GPR107: variants seen among roughly 807,000 people sequenced by gnomAD.
GPR107 encodes the protein protein GPR107.
Under a neutral mutation model 75.5 loss-of-function variants are expected in GPR107, and 31 were observed. The observed-to-expected ratio is 0.41, with a 90% CI of 0.31 to 0.55. The LOEUF is 0.55. Among genes scored for constraint, GPR107 ranks in the 20% least tolerant of loss-of-function variants. GPR107 has a pLI of 0.26. For missense variants in GPR107, 572 were observed against 665.7 expected, an observed-to-expected ratio of 0.86 and a Z score of 1.55; for synonymous variants, 267 against 251.3, an observed-to-expected ratio of 1.06 and a Z score of -0.59.
At chr9:130,094,655 T>A (rs886068994) in intron 9 of GPR107, among the ~76,000 whole-genome samples, 42 of 151,482 alleles carry the variant, frequency 2.8e-4, no homozygotes, top group African/African-American at 7.5e-4. Context: ...TGGGTTTTTT[T>A]ATTTTGTTTT....
intron 14 of GPR107, among the ~76,000 whole-genome samples, chr9:130,110,586 CTG>C (rs1192131248): frequency 6.6e-6 from 1 of 152,202 alleles, no homozygotes; most frequent in East Asian, 1.9e-4. Context: ...TTGATTGAGG[CTG>C]TGAGATGCTT....
chr9:130,070,595 C>G (rs1385592821), intron 1 of GPR107, among the ~76,000 whole-genome samples: 2 of 152,122 alleles, frequency 1.3e-5, no homozygotes. Context: ...TGAGCCACCG[C>G]GCCTAGCCAA....
In GPR107 at chr9:130,053,924, G is replaced by A. The variant is rs1291412369; in HGVS notation, c.-9G>A. ...GGGAGAGGAAGCGGCTGGTGATGCT[G>A]GAACAAACATGGCCGCTCTGGCGCC... On this transcript the variant is annotated 5_prime_UTR_variant, in exon 1 of 18. Coordinates refer to ENST00000347136, the MANE Select transcript of GPR107 (RefSeq NM_020960.5). 3.9e-6 allele frequency: 6 copies of A among 1,557,608 alleles called. No individual in the cohort carries two copies. The highest frequency in any genetic ancestry group is 5.2e-6 in the Non-Finnish European group (6 of 1,152,468).
At position 130,066,161 on chromosome 9, in the gene GPR107, T is replaced by G. The variant is rs536895047; in HGVS notation, c.142-9475T>G. ...CTAAAAATACAAATTTATCTGGGTGTGGTGGTGTGCACCTGTAATCCCAGC... is the reference window on the plus strand; with the variant it reads ...CTAAAAATACAAATTTATCTGGGTGGGGTGGTGTGCACCTGTAATCCCAGC... On this transcript the variant is annotated intron_variant, in intron 1 of 17. Coordinates refer to ENST00000347136, the MANE Select transcript of GPR107 (RefSeq NM_020960.5). 2.0e-5 allele frequency among the ~76,000 whole-genome samples: 3 copies of G among 150,538 alleles called. No individual in the cohort carries two copies. In the East Asian group the frequency reaches 5.8e-4, roughly 29 times the overall value.
intron 5 of GPR107, among the ~76,000 whole-genome samples, chr9:130,082,619 A>G (rs1002512746): frequency 2.6e-5 from 4 of 151,568 alleles, no homozygotes; most frequent in African/African-American, 4.9e-5. Flanking sequence ...AACTGGGACT[A>G]TAGGCACCTG....
intron 6 of GPR107, among the ~76,000 whole-genome samples, chr9:130,085,189 T>C (rs1246508576): frequency 6.6e-6 from 1 of 151,922 alleles, no homozygotes; most frequent in Non-Finnish European, 1.5e-5. Context: ...GGAGAAAGGG[T>C]TGTTAGAAGG....
At position 130,132,881 on chromosome 9, in the gene GPR107, C is replaced by G. The variant is rs1377096398; in HGVS notation, c.1563-2144C>G. The stretch of plus-strand genomic sequence containing the variant: ...ACACACTGCAAGTACTTAGCACTCC[C>G]TCACTGCCCTGGGAAATGTCCTGGG... On this transcript the variant is annotated intron_variant, in intron 17 of 17. Transcript: ENST00000347136. The G allele has an allele frequency of 2.6e-5, 4 of 152,048 alleles. No individual in the cohort carries two copies. The South Asian group carries it at 6.2e-4, about 24-fold the overall frequency. 9.4% of individuals were successfully genotyped at this position (152,048 alleles called of 1,614,324 possible).
intron 12 of GPR107, 72 bp from the exon 13 acceptor site, chr9:130,104,348 C>CCA (rs1831108757): frequency 7.0e-7 from 1 of 1,432,144 alleles, no homozygotes; most frequent in East Asian, 2.3e-5. Flanking sequence ...GGTGTACACC[C>CCA]CACATTGGGG....
intron 5 of GPR107, chr9:130,083,323 G>A (rs905809784): frequency 1.9e-5 from 6 of 323,580 alleles, no homozygotes; most frequent in Non-Finnish European, 2.8e-5. Flanking sequence ...ATCCAGAAAT[G>A]AATTCTGTTG....
At chr9:130,089,871 C>T (rs1324239047) in intron 7 of GPR107, among the ~76,000 whole-genome samples, 4 of 151,790 alleles carry the variant, frequency 2.6e-5, no homozygotes, top group African/African-American at 4.8e-5. Flanking sequence ...TCTATTTTTC[C>T]CCGTTTTTTT....
Position 130,054,072 on chromosome 9 carries a change from A to T in GPR107, c.140A>T (p.Lys47Met). ...GGCCGCGTCCATCACCTGGCACTCA[A>T]GGTAAAGCTTGGCAAGGCCGGGCCG... ...GLGRVHHLALKDDVRHKVHLN... is the reference protein window; with the variant it reads ...GLGRVHHLALMDDVRHKVHLN... Residue 47 changes from lysine to methionine, a missense_variant and splice_region_variant, in exon 1 of 18, where the codon AAG (lysine) becomes ATG (methionine). Coordinates refer to ENST00000347136, the MANE Select transcript of GPR107 (RefSeq NM_020960.5). 6.5e-7 allele frequency: 1 copy of T among 1,545,696 alleles called. No homozygotes were observed. Among genetic ancestry groups the T allele is most frequent in the Non-Finnish European group, 8.7e-7 (1 of 1,144,286 alleles).
At chr9:130,059,007 A>G (rs183575629) in intron 1 of GPR107, among the ~76,000 whole-genome samples, 5 of 152,224 alleles carry the variant, frequency 3.3e-5, no homozygotes, top group African/African-American at 1.2e-4. Context: ...ATATGTTTTC[A>G]TTTCTCTTGG....
intron 12 of GPR107, among the ~76,000 whole-genome samples, 197 bp downstream of exon 12, chr9:130,101,420 C>A (rs532990618): frequency 6.6e-6 from 1 of 152,344 alleles, no homozygotes; most frequent in Non-Finnish European, 1.5e-5. Flanking sequence ...GGGCATCAGT[C>A]AGCCACTGGC....
chr9:130,076,537 T>G, intron 3 of GPR107, 75 bp downstream of exon 3: 1 of 918,608 alleles, frequency 1.1e-6, no homozygotes, highest in East Asian at 2.4e-5. Context: ...CCCTACTTCT[T>G]GCAGTTCCAT....
At chr9:130,087,825 A>AAG (rs1830650552) in intron 7 of GPR107, among the ~76,000 whole-genome samples, 1 of 140,724 alleles carries the variant, frequency 7.1e-6, no homozygotes, top group Non-Finnish European at 1.5e-5. Flanking sequence ...AAAAAAAAAA[A>AAG]GCCTACAGTG....
At chr9:130,095,582 A>T (rs1412399238) in intron 9 of GPR107, among the ~76,000 whole-genome samples, 1 of 151,822 alleles carries the variant, frequency 6.6e-6, no homozygotes, top group Non-Finnish European at 1.5e-5. Flanking sequence ...TTTAGTAGAG[A>T]CGGGGTTTCA....
chr9:130,110,387 C>T lies in GPR107; in HGVS notation c.1306+2848C>T, dbSNP rs533936472. 2.0e-5 allele frequency: 31 copies of T among 1,539,422 alleles called. 1 individual carries two copies. The South Asian group carries it at 3.5e-4, about 17-fold the overall frequency. ...TCCACCAGGTGACAGCATGGGACCT[C>T]TTCAGCAGAGAGCGAATCTAAGAGC... is the stretch of plus-strand genomic sequence containing the variant. On this transcript the variant is annotated intron_variant, in intron 14 of 17. Transcript: ENST00000347136.
At chr9:130,078,130 A>G (rs1189689509) in intron 4 of GPR107, among the ~76,000 whole-genome samples, 2 of 151,162 alleles carry the variant, frequency 1.3e-5, no homozygotes, top group Non-Finnish European at 2.9e-5. Context: ...GCGCCACTGC[A>G]CTCCAGCCTG....
intron 7 of GPR107, among the ~76,000 whole-genome samples, chr9:130,088,203 T>C (rs1830658506): frequency 6.6e-6 from 1 of 152,190 alleles, no homozygotes; most frequent in African/African-American, 2.4e-5. Flanking sequence ...GTTGTCTCTC[T>C]GATCTCAGCT....
Sources: allele counts gnomAD v4.1 joint callset (sites outside exome capture counted in the v4.1 genomes callset), GRCh38; gene constraint gnomAD v4.1.1; transcripts MANE v1.5; gene names NCBI Gene and HGNC (gene_info 2026-07-23, HGNC 2026-07-21).